Variants in ITGBL1 observed in about 807,000 individuals in gnomAD.
ITGBL1 encodes integrin beta-like protein 1.
Under a neutral mutation model 68.5 loss-of-function variants are expected in ITGBL1, and 51 were observed. The observed-to-expected ratio is 0.74, with a 90% CI of 0.59 to 0.94. ITGBL1 has a LOEUF of 0.94. Ranked by LOEUF, ITGBL1 falls within the 40% of genes least tolerant of loss-of-function variation. The pLI, the probability that ITGBL1 is intolerant of heterozygous loss-of-function variation, is 0.00. For missense variants in ITGBL1, 649 were observed against 647.4 expected, an observed-to-expected ratio of 1.00 and a Z score of -0.03; for synonymous variants, 209 against 227.3, an observed-to-expected ratio of 0.92 and a Z score of 0.72.
At chr13:101,678,502 CTTT>C (rs34943103) in intron 7 of ITGBL1, among the ~76,000 whole-genome samples, 1 of 143,234 alleles carries the variant, frequency 7.0e-6, no homozygotes, top group African/African-American at 2.6e-5. Flanking sequence ...TTCACTGAGA[CTTT>C]TTTTTTTTTT....
At chr13:101,708,052 CACACACACACACACACAT>C (rs1470786388) in intron 9 of ITGBL1, among the ~76,000 whole-genome samples, 2 of 150,926 alleles carry the variant, frequency 1.3e-5, no homozygotes, top group African/African-American at 4.9e-5. Flanking sequence ...CACACACACA[CACACACACACACACACAT>C]ACACACAAAT....
At chr13:101,599,378 C>A (rs955397439) in intron 7 of ITGBL1, among the ~76,000 whole-genome samples, 1 of 151,284 alleles carries the variant, frequency 6.6e-6, no homozygotes, top group Non-Finnish European at 1.5e-5. Context: ...TTCTCCCATT[C>A]TGTAGGTTGC....
chr13:101,687,625 A>C (rs2033784524), intron 7 of ITGBL1, among the ~76,000 whole-genome samples: 1 of 152,132 alleles, frequency 6.6e-6, no homozygotes, highest in African/African-American at 2.4e-5. Context: ...GCTTTAAAAT[A>C]TAATTCATAA....
chr13:101,691,411 T>C (rs2033880342), intron 7 of ITGBL1, among the ~76,000 whole-genome samples: 1 of 152,200 alleles, frequency 6.6e-6, no homozygotes, highest in Non-Finnish European at 1.5e-5. Flanking sequence ...TCCTAAATAC[T>C]AATTTTTCTT....
chr13:101,607,200 G>A (rs990483517), intron 7 of ITGBL1, among the ~76,000 whole-genome samples: 5 of 151,866 alleles, frequency 3.3e-5, no homozygotes, highest in Admixed American at 6.6e-5. Context: ...AACACAATGA[G>A]GTAGGAAGAC....
chr13:101,686,738 G>A (rs2033763246), intron 7 of ITGBL1, among the ~76,000 whole-genome samples: 1 of 151,974 alleles, frequency 6.6e-6, no homozygotes, highest in South Asian at 2.1e-4. Flanking sequence ...GTCTGTAGGT[G>A]AAGTCTGGAA....
At chr13:101,670,169 C>G (rs1393693361) in intron 7 of ITGBL1, among the ~76,000 whole-genome samples, 4 of 152,118 alleles carry the variant, frequency 2.6e-5, no homozygotes, top group African/African-American at 9.7e-5. Flanking sequence ...CATGCTTTTA[C>G]TTTTTTTAAG....
chr13:101,699,676 T>C (rs2034087715), intron 8 of ITGBL1, among the ~76,000 whole-genome samples: 1 of 152,200 alleles, frequency 6.6e-6, no homozygotes, highest in Non-Finnish European at 1.5e-5. Context: ...ATTAAACCTC[T>C]TTCCTTCCAA....
chr13:101,655,397 T>G (rs1415795463), intron 7 of ITGBL1, among the ~76,000 whole-genome samples: 4 of 26,806 alleles, frequency 1.5e-4, no homozygotes, highest in African/African-American at 2.8e-4. Flanking sequence ...TTTAGTCAAA[T>G]TTATGCATTA....
chr13:101,469,153 T>C (rs2048423320), intron 2 of ITGBL1, among the ~76,000 whole-genome samples: 1 of 152,216 alleles, frequency 6.6e-6, no homozygotes, highest in South Asian at 2.1e-4. Flanking sequence ...GGTTTTAATA[T>C]ACGTATAGCC....
At chr13:101,559,476 G>A (rs1389826711) in intron 2 of ITGBL1, among the ~76,000 whole-genome samples, 1 of 152,138 alleles carries the variant, frequency 6.6e-6, no homozygotes, top group African/African-American at 2.4e-5. Flanking sequence ...ATAATTTACT[G>A]TTATAGTTCT....
intron 7 of ITGBL1, among the ~76,000 whole-genome samples, chr13:101,640,971 AT>A (rs1346392142): frequency 6.6e-6 from 1 of 152,230 alleles, no homozygotes; most frequent in Non-Finnish European, 1.5e-5. Flanking sequence ...CTTATTTAGT[AT>A]TAGTGTACAT....
At chr13:101,631,613 T>C (rs1594942142) in intron 7 of ITGBL1, among the ~76,000 whole-genome samples, 1 of 152,288 alleles carries the variant, frequency 6.6e-6, no homozygotes. Flanking sequence ...CTATAGGATG[T>C]GAAGTCATGT....
chr13:101,598,328 G>T (rs777537129), intron 7 of ITGBL1, 29 bp downstream of exon 7: 1 of 1,533,948 alleles, frequency 6.5e-7, no homozygotes. Context: ...GGCTTCCCAC[G>T]GCCTCTCCAT....
chr13:101,623,831 G>GA (rs1156604398), intron 7 of ITGBL1, among the ~76,000 whole-genome samples: 1 of 152,202 alleles, frequency 6.6e-6, no homozygotes, highest in Admixed American at 6.5e-5. Context: ...TATTTTAAAG[G>GA]AATGAAAGTT....
At chr13:101,640,984 TTACTACCA>T (rs1164302762) in intron 7 of ITGBL1, among the ~76,000 whole-genome samples, 1 of 152,240 alleles carries the variant, frequency 6.6e-6, no homozygotes, top group Non-Finnish European at 1.5e-5. Flanking sequence ...AGTGTACATT[TTACTACCA>T]TGGCACTTAT....
chr13:101,558,083 C>CAAAAAAAAAAAAAAAAAAAAAA (rs568103738), intron 2 of ITGBL1, among the ~76,000 whole-genome samples: 2 of 71,710 alleles, frequency 2.8e-5, no homozygotes, highest in African/African-American at 1.4e-4. Context: ...AACTCCGTCT[C>CAAAAAAAAAAAAAAAAAAAAAA]AAAAAAAAAA....
chr13:101,574,588 C>T (rs2050325296), intron 3 of ITGBL1, among the ~76,000 whole-genome samples: 1 of 152,058 alleles, frequency 6.6e-6, no homozygotes. Flanking sequence ...GAGATCAAGT[C>T]TCAGTTGATA....
chr13:101,686,001 G>A (rs10508074), intron 7 of ITGBL1, among the ~76,000 whole-genome samples: 22,387 of 152,062 alleles, frequency 0.15, 1,875 homozygotes, highest in East Asian at 0.34. Flanking sequence ...CATTGCTGAA[G>A]AAGTACTTGT....
Sources: allele counts gnomAD v4.1 joint callset (sites outside exome capture counted in the v4.1 genomes callset), GRCh38; gene constraint gnomAD v4.1.1; transcripts MANE v1.5; gene names NCBI Gene and HGNC (gene_info 2026-07-23, HGNC 2026-07-21).